The following MUC4 variants were observed in gnomAD, a reference collection of about 807,000 sequenced individuals.
The protein encoded by MUC4 is mucin-4.
MUC4 carries 202 observed loss-of-function variants against 257.9 expected under a neutral mutation model. That is an observed-to-expected ratio of 0.78 (90% CI 0.70 to 0.88). The LOEUF is 0.88. MUC4 is among the 40% of genes least tolerant of loss of function. The probability of loss-of-function intolerance (pLI) is 0.00; values close to 1 mark genes in which losing one functional copy is unlikely to be tolerated. For synonymous variants in MUC4, 2,351 were observed against 2,757.1 expected, an observed-to-expected ratio of 0.85 and a Z score of 4.62; for missense variants, 5,976 against 6,513.7, an observed-to-expected ratio of 0.92 and a Z score of 2.84.
chr3:195,791,555 C>T (rs1454747705), intron 1 of MUC4, 58 bp from the exon 2 acceptor site: 2 of 1,069,798 alleles, frequency 1.9e-6, no homozygotes, highest in East Asian at 2.4e-5. Flanking sequence ...CTCCTATTCA[C>T]AATTGCTACA....
chr3:195,767,727 T>C (rs868010716), intron 7 of MUC4, among the ~76,000 whole-genome samples: 3 of 1,646 alleles, frequency 1.8e-3, no homozygotes, highest in Non-Finnish European at 3.4e-3. Context: ...ACCACCACCA[T>C]CACCACCACC....
At chr3:195,799,108 A>G (rs574960168) in intron 1 of MUC4, among the ~76,000 whole-genome samples, 182 of 151,090 alleles carry the variant, frequency 1.2e-3, no homozygotes, top group Non-Finnish European at 2.3e-3. Context: ...CACCATACCC[A>G]CCTCTCTGTG....
intron 19 of MUC4, chr3:195,753,929 T>G (rs1426485898): frequency 5.2e-6 from 2 of 387,412 alleles, no homozygotes; most frequent in East Asian, 3.9e-5. Flanking sequence ...GCTCCCCCCA[T>G]CAATGCCTCA....
chr3:195,763,104 G>T (rs1385707096), intron 12 of MUC4, among the ~76,000 whole-genome samples, 159 bp from the exon 13 acceptor site: 1 of 152,258 alleles, frequency 6.6e-6, no homozygotes, highest in African/African-American at 2.4e-5. Context: ...CGTCTACCGT[G>T]TGCTCGGCAG....
intron 20 of MUC4, 123 bp downstream of exon 20, chr3:195,752,928 C>G (rs1177809538): frequency 3.3e-6 from 3 of 918,854 alleles, no homozygotes; most frequent in Non-Finnish European, 4.8e-6. Context: ...CCAGAGAAAT[C>G]TGGAGCTCTG....
chr3:195,790,883 C>T lies in MUC4; in HGVS notation c.697G>A (p.Gly233Arg), dbSNP rs757811798. 50 of 1,613,966 alleles carry T rather than the reference C, an allele frequency of 3.1e-5. No homozygotes were observed. In the South Asian group the frequency reaches 5.4e-4, roughly 17 times the overall value. ...GGAGATGTCTTCTGAGAAACAGTCC[C>T]TGTCACATTGTGTACACTTGGAGAG... ...SFSPSVHNVT[G>R]TVSQKTSPSG... The change falls in exon 2 of 25, where the codon GGG becomes AGG. Residue 233 changes from glycine (G) to arginine (R), a missense_variant. Transcript: ENST00000463781.
chr3:195,749,464 T>A (rs1270852684), intron 23 of MUC4, among the ~76,000 whole-genome samples: 1 of 152,162 alleles, frequency 6.6e-6, no homozygotes, highest in East Asian at 1.9e-4. Flanking sequence ...GAACATTCCT[T>A]CACTCTTTCA....
In MUC4 at chr3:195,789,859, G is replaced by A. The variant is rs74547899; in HGVS notation, c.1721C>T (p.Thr574Ile). 0.029 allele frequency: 47,348 copies of A among 1,613,716 alleles called. 832 individuals carry two copies. Among genetic ancestry groups the A allele is most frequent in the Non-Finnish European group, 0.035 (41,690 of 1,179,816 alleles). ...QTQWTQETGTTGEALLSSPSY... is the reference protein window; with the variant it reads ...QTQWTQETGTIGEALLSSPSY... ...TGGGCTGCTGAGAAGAGCCTCTCCA[G>A]TGGTCCCCGTTTCTTGTGTCCATTG... The change falls in exon 2 of 25, where the codon ACT becomes ATT. Residue 574 changes from threonine to isoleucine, a missense_variant. This residue lies in a region of MUC4 where 1,583 missense variants were observed against 1,257.4 expected (regional missense o/e 1.26). Transcript: ENST00000463781.
chr3:195,762,245 G>T lies in MUC4; in HGVS notation c.14354C>A (p.Thr4785Lys), dbSNP rs954567216. ...CAGGAGGACTCCGGTGGCGTTGAAC[G>T]TCTCCTGGCCTGGAGCATCGGGAGG... ...PDHEDGGGQETFNATGVLLSR... is the reference protein window; with the variant it reads ...PDHEDGGGQEKFNATGVLLSR... The change falls in exon 14 of 25, where the codon ACG becomes AAG. Residue 4785 changes from threonine to lysine, a missense_variant. Around this residue, in one of 44 missense-constraint regions of MUC4, gnomAD observed 996 missense variants for 1,137.3 expected, o/e 0.88. Coordinates refer to ENST00000463781, the MANE Select transcript of MUC4 (RefSeq NM_018406.7). 4 of 1,583,268 alleles carry T rather than the reference G, an allele frequency of 2.5e-6. No homozygotes were observed. The Admixed American group carries it at 5.4e-5, about 21-fold the overall frequency.
chr3:195,764,876 C>G (rs1241728475), intron 10 of MUC4, 121 bp downstream of exon 10: 2 of 1,397,274 alleles, frequency 1.4e-6, no homozygotes, highest in Admixed American at 2.0e-5. Flanking sequence ...TAACGTTACC[C>G]GATCAGGAAG....
chr3:195,778,186 T>C, intron 3 of MUC4, 117 bp downstream of exon 3: 1 of 1,330,144 alleles, frequency 7.5e-7, no homozygotes, highest in Non-Finnish European at 1.0e-6. Context: ...GCTGTGTCCC[T>C]GTCCTCGGTA....
intron 1 of MUC4, among the ~76,000 whole-genome samples, chr3:195,804,743 G>A (rs547955484): frequency 5.3e-5 from 8 of 152,372 alleles, no homozygotes; most frequent in Middle Eastern, 3.4e-3. Flanking sequence ...GGCAGCAGGC[G>A]GCCCGGAAGG....
intron 1 of MUC4, among the ~76,000 whole-genome samples, chr3:195,793,810 C>T (rs1049998327): frequency 2.6e-5 from 4 of 152,168 alleles, no homozygotes; most frequent in Middle Eastern, 3.2e-3. Context: ...AATTAAATTT[C>T]TACTTTTCTT....
chr3:195,748,321 TG>T (rs1715562954), intron 24 of MUC4, among the ~76,000 whole-genome samples: 1 of 152,262 alleles, frequency 6.6e-6, no homozygotes. Flanking sequence ...CTCAGCACTT[TG>T]GGAGGCCAAG....
chr3:195,769,142 T>C lies in MUC4; in HGVS notation c.13409A>G (p.Tyr4470Cys). Residue 4470 changes from tyrosine (Y) to cysteine (C), a missense_variant, in exon 7 of 25, where the codon TAC becomes TGC. Tyr to Cys is a radical substitution (Grantham distance 194). Around this residue, in one of 44 missense-constraint regions of MUC4, gnomAD observed 996 missense variants for 1,137.3 expected, o/e 0.88. Coordinates refer to ENST00000463781, the MANE Select transcript of MUC4 (RefSeq NM_018406.7). The stretch of plus-strand genomic sequence containing the variant: ...CCCGTCCGTGGAGAGGATGGCTTGG[T>C]AGGTGTTGCTCTGGGGGTGGGTGGA... ...PAQWTLGSNT[Y>C]QAILSTDGSR... 1 of 1,614,026 alleles carries C rather than the reference T, an allele frequency of 6.2e-7. No individual in the cohort carries two copies.
intron 7 of MUC4, 101 bp from the exon 8 acceptor site, chr3:195,766,852 A>G: frequency 6.6e-6 from 7 of 1,063,196 alleles, no homozygotes; most frequent in Non-Finnish European, 9.9e-6. Context: ...GCAGCTGGTC[A>G]ACCAGCTAGG....
chr3:195,766,191 T>C (rs842219), intron 8 of MUC4, among the ~76,000 whole-genome samples: 113,391 of 151,964 alleles, frequency 0.75, 43,028 homozygotes, highest in Non-Finnish European at 0.82. Flanking sequence ...GAACTCCTGA[T>C]CTCAAGTGAT....
At chr3:195,778,734 T>C in intron 2 of MUC4, 56 bp downstream of exon 2, 2 of 1,516,884 alleles carry the variant, frequency 1.3e-6, no homozygotes, top group Non-Finnish European at 1.8e-6. Context: ...CTCCTTAGGC[T>C]GAATTCCGCC....
chr3:195,769,478 AC>A, intron 6 of MUC4: 1 of 320,568 alleles, frequency 3.1e-6, no homozygotes, highest in Non-Finnish European at 5.9e-6. Flanking sequence ...CAGCCAAGAT[AC>A]CAGAGAGCTA....
Sources: allele counts gnomAD v4.1 joint callset (sites outside exome capture counted in the v4.1 genomes callset), GRCh38; gene constraint gnomAD v4.1.1; regional missense constraint gnomAD v4.1.1; transcripts MANE v1.5; gene names NCBI Gene and HGNC (gene_info 2026-07-23, HGNC 2026-07-21).